The following CDH18 variants were observed in gnomAD, a reference collection of about 807,000 sequenced individuals.
The protein encoded by CDH18 is cadherin-18.
A neutral mutation model predicts 67.9 loss-of-function variants in CDH18; 31 were observed. The ratio of observed to expected loss-of-function variants is 0.46; its 90% CI spans 0.34 to 0.62. CDH18 has a LOEUF of 0.62. Among genes scored for constraint, CDH18 ranks in the 20% least tolerant of loss-of-function variants. CDH18 has a pLI of 0.01. For missense variants in CDH18, 890 were observed against 975.5 expected (o/e 0.91, Z 1.17); for synonymous variants, 362 against 347.2 (o/e 1.04, Z -0.48).
At chr5:20,464,982 G>A (rs928885939) in intron 1 of CDH18, among the ~76,000 whole-genome samples, 9 of 152,198 alleles carry the variant, frequency 5.9e-5, no homozygotes, top group South Asian at 2.1e-4. Context: ...AGAAGACATT[G>A]GATTTGTTAA....
At chr5:19,555,301 T>C (rs2077370264) in intron 8 of CDH18, among the ~76,000 whole-genome samples, 1 of 152,186 alleles carries the variant, frequency 6.6e-6, no homozygotes, top group Non-Finnish European at 1.5e-5. Context: ...GGACTGCAGC[T>C]GCAGGCTCCA....
intron 2 of CDH18, among the ~76,000 whole-genome samples, chr5:20,030,087 T>C (rs1580076499): frequency 6.6e-6 from 1 of 152,340 alleles, no homozygotes; most frequent in East Asian, 1.9e-4. Context: ...AGGCTTGTCA[T>C]TAAAGAACTA....
intron 2 of CDH18, among the ~76,000 whole-genome samples, chr5:20,172,230 A>ATATATATGTATATATATATATACG (rs1736869044): frequency 1.0e-5 from 1 of 96,688 alleles, no homozygotes; most frequent in Non-Finnish European, 2.2e-5. Context: ...ATATGTATAT[A>ATATATATGTATATATATATATACG]TATATATATG....
At chr5:20,317,853 G>C (rs753164275) in intron 1 of CDH18, among the ~76,000 whole-genome samples, 9 of 152,118 alleles carry the variant, frequency 5.9e-5, no homozygotes, top group Non-Finnish European at 1.3e-4. Flanking sequence ...AGTCCCTAGT[G>C]TTTCAGGAAA....
At chr5:20,141,877 C>G (rs1360984004) in intron 2 of CDH18, among the ~76,000 whole-genome samples, 1 of 151,498 alleles carries the variant, frequency 6.6e-6, no homozygotes, top group African/African-American at 2.4e-5. Flanking sequence ...AGTGCTTATT[C>G]TAATATTACT....
Position 19,918,206 on chromosome 5 carries a change from C to T in CDH18, c.-257+62854G>A, listed in dbSNP as rs117333045. Among the ~76,000 whole-genome samples the T allele has an allele frequency of 7.3e-4, 111 of 152,260 alleles. 3 individuals are homozygous for T. In the East Asian group the frequency reaches 0.018, roughly 24 times the overall value. On this transcript the variant is annotated intron_variant, in intron 2 of 12. Coordinates refer to ENST00000382275, the MANE Select transcript of CDH18 (RefSeq NM_004934.5). ...TGTCAACATCAGCCTTCATCTCTGA[C>T]TTTAAATAGGATAACTTTGAAAAAT...
chr5:20,143,144 C>G (rs193018622), intron 2 of CDH18, among the ~76,000 whole-genome samples: 5 of 152,048 alleles, frequency 3.3e-5, no homozygotes, highest in African/African-American at 7.2e-5. Flanking sequence ...GTACAAAGTT[C>G]CCATCATTTT....
At chr5:20,201,530 G>T (rs1580465176) in intron 2 of CDH18, among the ~76,000 whole-genome samples, 1 of 151,852 alleles carries the variant, frequency 6.6e-6, no homozygotes, top group African/African-American at 2.4e-5. Context: ...TTTTGTCAAT[G>T]CAGTATTTTA....
chr5:19,894,111 TA>T (rs1789049854), intron 2 of CDH18, among the ~76,000 whole-genome samples: 1 of 152,058 alleles, frequency 6.6e-6, no homozygotes, highest in South Asian at 2.1e-4. Flanking sequence ...AAGGGCTCCA[TA>T]ATTTCTAATA....
intron 2 of CDH18, among the ~76,000 whole-genome samples, chr5:20,200,153 A>G (rs1269382243): frequency 6.6e-6 from 1 of 152,196 alleles, no homozygotes; most frequent in African/African-American, 2.4e-5. Context: ...GACTCTTTTG[A>G]ATTTAGTTAG....
chr5:19,753,154 C>T (rs1771085359), intron 3 of CDH18, among the ~76,000 whole-genome samples: 1 of 152,024 alleles, frequency 6.6e-6, no homozygotes, highest in African/African-American at 2.4e-5. Flanking sequence ...ACTAGCTTAC[C>T]AGCAATGGAT....
chr5:19,590,963 G>T (rs543013661), intron 7 of CDH18, 94 bp downstream of exon 7: 3 of 635,276 alleles, frequency 4.7e-6, no homozygotes, highest in South Asian at 4.8e-5. Context: ...CATTTTAATG[G>T]CCTGACAGCG....
intron 2 of CDH18, among the ~76,000 whole-genome samples, chr5:19,994,151 C>G (rs965536812): frequency 1.3e-5 from 2 of 151,818 alleles, no homozygotes; most frequent in Non-Finnish European, 2.9e-5. Context: ...CAAGTGGTGA[C>G]AAAACGGTAT....
chr5:20,265,673 A>G (rs1204283493), intron 1 of CDH18, among the ~76,000 whole-genome samples: 2 of 152,200 alleles, frequency 1.3e-5, no homozygotes, highest in Non-Finnish European at 2.9e-5. Flanking sequence ...AATAAAAAAT[A>G]TAAATATTTT....
chr5:19,523,183 A>G (rs1321684221), intron 9 of CDH18, among the ~76,000 whole-genome samples: 2 of 152,192 alleles, frequency 1.3e-5, no homozygotes, highest in African/African-American at 4.8e-5. Context: ...TTACACTTAC[A>G]CAAAAACATG....
intron 1 of CDH18, among the ~76,000 whole-genome samples, chr5:20,541,155 T>G (rs1208154611): frequency 6.6e-6 from 1 of 152,098 alleles, no homozygotes; most frequent in African/African-American, 2.4e-5. Context: ...TTTATAAAAT[T>G]TATGGGGAAG....
At chr5:19,690,382 T>C (rs1761702743) in intron 5 of CDH18, among the ~76,000 whole-genome samples, 1 of 151,356 alleles carries the variant, frequency 6.6e-6, no homozygotes, top group African/African-American at 2.4e-5. Flanking sequence ...AATAATCCAC[T>C]TCAAGAAACT....
intron 3 of CDH18, among the ~76,000 whole-genome samples, chr5:19,835,005 G>A (rs770887018): frequency 6.6e-6 from 1 of 152,068 alleles, no homozygotes; most frequent in Non-Finnish European, 1.5e-5. Flanking sequence ...AGTTGACCCA[G>A]CAATCTCATT....
intron 1 of CDH18, among the ~76,000 whole-genome samples, chr5:20,411,576 T>C (rs937233902): frequency 6.6e-6 from 1 of 151,716 alleles, no homozygotes; most frequent in Admixed American, 6.6e-5. Context: ...AACAAAGGTA[T>C]GAACAGCAAA....
Sources: allele counts gnomAD v4.1 joint callset (sites outside exome capture counted in the v4.1 genomes callset), GRCh38; gene constraint gnomAD v4.1.1; transcripts MANE v1.5; gene names NCBI Gene and HGNC (gene_info 2026-07-23, HGNC 2026-07-21).